RPGRIP1L: variants seen among roughly 807,000 people sequenced by gnomAD.
RPGRIP1L encodes RPGRIP1 like.
In RPGRIP1L, 131 loss-of-function variants were observed where a neutral mutation model predicts 160.4. That is an observed-to-expected ratio of 0.82 (90% confidence interval 0.71 to 0.94). The LOEUF (loss-of-function observed/expected upper bound fraction) is 0.94. Ranked by LOEUF, RPGRIP1L falls within the 40% of genes least tolerant of loss-of-function variation. RPGRIP1L has a pLI of 0.00. For missense variants in RPGRIP1L, 1,522 were observed against 1,535.8 expected (o/e 0.99, Z 0.15); for synonymous variants, 510 against 515.8 (o/e 0.99, Z 0.15).
Position 53,622,275 on chromosome 16 carries a change from A to C in RPGRIP1L, c.3376T>G (p.Phe1126Val). Residue 1126 changes from phenylalanine to valine, a missense_variant, in exon 23 of 27, where the codon TTT (phenylalanine) becomes GTT (valine). Phe to Val is a conservative substitution (Grantham distance 50). Coordinates refer to ENST00000647211, the MANE Select transcript of RPGRIP1L (RefSeq NM_015272.5). Reference protein sequence around the residue: ...CNFRLPGSSDFPASASQVDGI... With the variant: ...CNFRLPGSSDVPASASQVDGI... The stretch of plus-strand genomic sequence containing the variant: ...TCTACTTGGGAGGCTGAGGCAGGAA[A>C]ATCGCTGGAACCCGGGAGGCGGAAG... 1 of 659,998 alleles carries C rather than the reference A, an allele frequency of 1.5e-6. No homozygotes were observed. The highest frequency in any genetic ancestry group is 2.8e-6 in the Non-Finnish European group (1 of 361,566). The allele number at this position is 659,998 out of a possible 1,614,324, so 40.9% of individuals were successfully genotyped here.
intron 22 of RPGRIP1L, 115 bp from the exon 23 acceptor site, chr16:53,622,471 C>T: frequency 2.0e-6 from 1 of 501,830 alleles, no homozygotes; most frequent in Non-Finnish European, 3.5e-6. Flanking sequence ...TCCCCCAATC[C>T]TATTCATACT....
chr16:53,602,786 A>AG (rs1383059344), intron 26 of RPGRIP1L, among the ~76,000 whole-genome samples: 2 of 151,878 alleles, frequency 1.3e-5, no homozygotes, highest in African/African-American at 4.8e-5. Flanking sequence ...AAAAAAAAAA[A>AG]AAAGAATTTT....
chr16:53,613,465 A>C (rs753829566), intron 24 of RPGRIP1L, among the ~76,000 whole-genome samples: 2 of 151,930 alleles, frequency 1.3e-5, no homozygotes, highest in African/African-American at 2.4e-5. Flanking sequence ...ACTACAGGTG[A>C]GCACCACTAT....
intron 16 of RPGRIP1L, among the ~76,000 whole-genome samples, chr16:53,646,803 A>G (rs1348404057): frequency 6.6e-6 from 1 of 152,238 alleles, no homozygotes; most frequent in Non-Finnish European, 1.5e-5. Flanking sequence ...TGGATTGAGC[A>G]TCTGGGACCC....
intron 23 of RPGRIP1L, among the ~76,000 whole-genome samples, chr16:53,620,740 G>T (rs1964656915): frequency 6.6e-6 from 1 of 152,170 alleles, no homozygotes; most frequent in South Asian, 2.1e-4. Flanking sequence ...CATAAAAAAT[G>T]AAGTTGGCTC....
intron 16 of RPGRIP1L, among the ~76,000 whole-genome samples, chr16:53,646,320 G>A (rs1391066529): frequency 6.6e-6 from 1 of 152,116 alleles, no homozygotes; most frequent in Admixed American, 6.6e-5. Flanking sequence ...AGACTATAGT[G>A]AGCAATGGGT....
chr16:53,638,900 G>C (rs940802507), intron 19 of RPGRIP1L, among the ~76,000 whole-genome samples: 22 of 151,160 alleles, frequency 1.5e-4, no homozygotes, highest in Non-Finnish European at 2.2e-4. Context: ...TATTTCCATG[G>C]GAAAAAGTAT....
In RPGRIP1L at chr16:53,669,461, A is replaced by G. The variant is rs570738766; in HGVS notation, c.1103+2049T>C. ...TGTTAGTGCAAGCATAAAACATTGAAAAAAAAAAACCCTTCAAATTTATAC... is the reference window on the plus strand; with the variant it reads ...TGTTAGTGCAAGCATAAAACATTGAGAAAAAAAAACCCTTCAAATTTATAC... On this transcript the variant is annotated intron_variant, in intron 9 of 26. Coordinates refer to ENST00000647211, the MANE Select transcript of RPGRIP1L (RefSeq NM_015272.5). Among the ~76,000 whole-genome samples, 22 of 129,052 alleles carry G rather than the reference A, an allele frequency of 1.7e-4. No individual in the cohort carries two copies. In the East Asian group the frequency reaches 8.5e-3, roughly 50 times the overall value. 84.7% of individuals were successfully genotyped at this position (129,052 alleles called of 152,430 possible).
intron 6 of RPGRIP1L, among the ~76,000 whole-genome samples, chr16:53,678,591 A>G (rs549710092): frequency 6.6e-6 from 1 of 152,156 alleles, no homozygotes; most frequent in East Asian, 1.9e-4. Context: ...CCTTGCTACC[A>G]TATTATGAAA....
In RPGRIP1L at chr16:53,598,221, C is replaced by T. The variant is rs867895952; in HGVS notation, c.*3855G>A. ...GTGCACAGTGAAGACAGAGGTAATGCTGTTCTAGGGATGAAAAAGGTGACT... is the reference window on the plus strand; with the variant it reads ...GTGCACAGTGAAGACAGAGGTAATGTTGTTCTAGGGATGAAAAAGGTGACT... On this transcript the variant is annotated 3_prime_UTR_variant, in exon 27 of 27. Coordinates refer to ENST00000647211, the MANE Select transcript of RPGRIP1L (RefSeq NM_015272.5). The T allele has an allele frequency of 9.8e-4, 149 of 152,138 alleles. No homozygotes were observed. The highest frequency in any genetic ancestry group is 3.3e-3 in the African/African-American group (139 of 41,512). The allele number at this position is 152,138 out of a possible 1,614,324, so 9.4% of individuals were successfully genotyped here. A position where few individuals can be genotyped will look rare whatever the true frequency, so the allele number is the denominator to read the frequency against.
intron 24 of RPGRIP1L, among the ~76,000 whole-genome samples, chr16:53,617,274 T>C (rs1043901412): frequency 6.6e-6 from 1 of 151,916 alleles, no homozygotes; most frequent in African/African-American, 2.4e-5. Context: ...AGACAATTAA[T>C]CTCTAAAAAA....
chr16:53,673,378 A>G (rs760364471), intron 7 of RPGRIP1L, among the ~76,000 whole-genome samples: 2 of 152,182 alleles, frequency 1.3e-5, no homozygotes, highest in Admixed American at 6.5e-5. Context: ...AAAATGCTGT[A>G]GCATGGGTCA....
intron 12 of RPGRIP1L, among the ~76,000 whole-genome samples, chr16:53,657,934 AT>A (rs1967407706): frequency 6.6e-6 from 1 of 152,142 alleles, no homozygotes; most frequent in African/African-American, 2.4e-5. Context: ...TTTTTATTTC[AT>A]TTGATTAAAA....
At chr16:53,606,120 T>C (rs777067626) in intron 25 of RPGRIP1L, among the ~76,000 whole-genome samples, 2 of 152,238 alleles carry the variant, frequency 1.3e-5, no homozygotes, top group Non-Finnish European at 2.9e-5. Context: ...ACATTTTGAA[T>C]CATGTTAGAT....
chr16:53,681,838 G>T (rs941754814), intron 6 of RPGRIP1L, among the ~76,000 whole-genome samples: 2 of 152,164 alleles, frequency 1.3e-5, no homozygotes, highest in Non-Finnish European at 2.9e-5. Context: ...TTACAACTAC[G>T]TTAGGTTCAT....
chr16:53,601,325 CATCT>C lies in RPGRIP1L; in HGVS notation c.*747_*750del, dbSNP rs1963368659. 1 of 152,298 alleles carries C rather than the reference CATCT, an allele frequency of 6.6e-6. No homozygotes were observed. The highest frequency in any genetic ancestry group is 1.5e-5 in the Non-Finnish European group (1 of 68,024). The allele number at this position is 152,298 out of a possible 1,614,324, so 9.4% of individuals were successfully genotyped here. A position where few individuals can be genotyped will look rare whatever the true frequency, so the allele number is the denominator to read the frequency against. On this transcript the variant is annotated 3_prime_UTR_variant, in exon 27 of 27. Transcript: ENST00000647211. ...CTAAGTTTTCAACGTGTAAATTTCA[CATCT>C]ATCTATATAACTATCTCCTTTTTAT...
At chr16:53,646,069 G>T in intron 16 of RPGRIP1L, 66 bp from the exon 17 acceptor site, 1 of 1,434,102 alleles carries the variant, frequency 7.0e-7, no homozygotes, top group Non-Finnish European at 9.7e-7. Context: ...CAGCTGCCAA[G>T]CCCCAAATAA....
At chr16:53,665,350 G>A (rs1968152720) in intron 9 of RPGRIP1L, among the ~76,000 whole-genome samples, 1 of 152,126 alleles carries the variant, frequency 6.6e-6, no homozygotes, top group South Asian at 2.1e-4. Context: ...AATTGACATC[G>A]GACAAAACCA....
intron 22 of RPGRIP1L, among the ~76,000 whole-genome samples, chr16:53,625,193 AG>A (rs1965015049): frequency 6.7e-6 from 1 of 150,360 alleles, no homozygotes; most frequent in Non-Finnish European, 1.5e-5. Flanking sequence ...CACCCCGTCT[AG>A]GAAGTGAGGA....
Sources: allele counts gnomAD v4.1 joint callset (sites outside exome capture counted in the v4.1 genomes callset), GRCh38; gene constraint gnomAD v4.1.1; transcripts MANE v1.5; gene names NCBI Gene and HGNC (gene_info 2026-07-23, HGNC 2026-07-21).